Variants in EIF4E1B observed in about 807,000 individuals in gnomAD.
EIF4E1B encodes the protein eukaryotic translation initiation factor 4E family member 1B, also known as eukaryotic translation initiation factor 4E type 1B.
A neutral mutation model predicts 31.3 loss-of-function variants in EIF4E1B; 22 were observed. The observed-to-expected ratio is 0.70, with a 90% CI of 0.50 to 1.00. EIF4E1B has a LOEUF of 1.00. Among genes scored for constraint, EIF4E1B ranks in the 50% least tolerant of loss-of-function variants. The probability of loss-of-function intolerance (pLI) is 0.00; values close to 1 mark genes in which losing one functional copy is unlikely to be tolerated. For synonymous variants in EIF4E1B, 126 were observed against 120.2 expected (o/e 1.05, Z -0.31); for missense variants, 290 against 311.6 (o/e 0.93, Z 0.52).
intron 1 of EIF4E1B, among the ~76,000 whole-genome samples, chr5:176,636,286 T>G (rs1231471954): frequency 6.6e-6 from 1 of 152,228 alleles, no homozygotes; most frequent in Non-Finnish European, 1.5e-5. Context: ...CTCGGGCTCG[T>G]GGGCCTCCAG....
At position 176,645,256 on chromosome 5, in the gene EIF4E1B, A is replaced by AG. The variant is rs1393073475; in HGVS notation, c.474+15dup. On this transcript the variant is annotated intron_variant, in intron 7 of 8. Coordinates refer to ENST00000318682, the MANE Select transcript of EIF4E1B (RefSeq NM_001099408.2). This position sits in a 1 kb window ranked among gnomAD's most constrained non-coding sequence, Gnocchi z 5.4. ...GTGGCTGGAGACGGTGAGTTGGAGGAGGAGGGTCCTCAGGGGAAGAGACGG... is the reference window on the plus strand; with the variant it reads ...GTGGCTGGAGACGGTGAGTTGGAGGAGGGAGGGTCCTCAGGGGAAGAGACGG... 6.2e-7 allele frequency: 1 copy of AG among 1,603,894 alleles called. No individual in the cohort carries two copies. Among genetic ancestry groups the AG allele is most frequent in the Non-Finnish European group, 8.5e-7 (1 of 1,175,122 alleles).
At chr5:176,643,896 C>T (rs1239175830) in intron 5 of EIF4E1B, 162 bp downstream of exon 5, 4 of 682,138 alleles carry the variant, frequency 5.9e-6, no homozygotes, top group Non-Finnish European at 9.8e-6. Context: ...CCCCCCACCC[C>T]ACCACCTTCT....
At chr5:176,633,220 TG>T (rs548453795) in intron 1 of EIF4E1B, among the ~76,000 whole-genome samples, 3 of 149,046 alleles carry the variant, frequency 2.0e-5, no homozygotes, top group African/African-American at 7.5e-5. Context: ...TTTTTTTGTT[TG>T]TTTGTTTGTT....
Position 176,645,076 on chromosome 5 carries a change from T to C in EIF4E1B, c.361-54T>C. Reference sequence around the variant, plus strand: ...GGATAAGGCCGGGATGGTGGGTGGGTCCCCATTTCCCTTTGAACACAGGGA... The same window carrying C: ...GGATAAGGCCGGGATGGTGGGTGGGCCCCCATTTCCCTTTGAACACAGGGA... On this transcript the variant is annotated intron_variant, in intron 6 of 8. Coordinates refer to ENST00000318682, the MANE Select transcript of EIF4E1B (RefSeq NM_001099408.2). This position sits in a 1 kb window ranked among gnomAD's most constrained non-coding sequence, Gnocchi z 5.4. 6.8e-7 allele frequency: 1 copy of C among 1,474,790 alleles called. No individual in the cohort carries two copies. 91.4% of individuals were successfully genotyped at this position (1,474,790 alleles called of 1,614,324 possible). A position where few individuals can be genotyped will look rare whatever the true frequency, so the allele number is the denominator to read the frequency against.
In EIF4E1B at chr5:176,636,234, G is replaced by T. The variant is rs151140197; in HGVS notation, c.-202+5170G>T. 3.8e-3 allele frequency among the ~76,000 whole-genome samples: 586 copies of T among 152,254 alleles called. 6 individuals are homozygous for T. The highest frequency in any genetic ancestry group is 3.6e-3 in the Non-Finnish European group (247 of 68,008). ...TCTAGCAGGATGGATCCTTTCCCCC[G>T]CCACATACCCCTACCACCCTTTAGA... On this transcript the variant is annotated intron_variant, in intron 1 of 8. Transcript: ENST00000318682.
At chr5:176,642,838 T>C (rs1760603422) in intron 3 of EIF4E1B, 36 bp downstream of exon 3, 1 of 1,440,540 alleles carries the variant, frequency 6.9e-7, no homozygotes, top group Admixed American at 2.4e-5. Flanking sequence ...CAGTGCACCA[T>C]GGCCCCGCCC....
At chr5:176,644,649 C>T (rs186733146) in intron 6 of EIF4E1B, 129 of 555,060 alleles carry the variant, frequency 2.3e-4, no homozygotes, top group African/African-American at 2.3e-3. Context: ...CCTTAAGAGG[C>T]GGGAAGAGGG....
At chr5:176,642,940 A>G (rs1287474641) in intron 3 of EIF4E1B, 138 bp downstream of exon 3, 2 of 1,392,184 alleles carry the variant, frequency 1.4e-6, no homozygotes, top group Non-Finnish European at 9.5e-7. Flanking sequence ...TGGGTCCTCC[A>G]TGGAGTTTGA....
chr5:176,639,282 G>A (rs1760539873), intron 1 of EIF4E1B, among the ~76,000 whole-genome samples: 1 of 152,188 alleles, frequency 6.6e-6, no homozygotes. Flanking sequence ...AGAGGAATGG[G>A]CAGATTCAAG....
intron 1 of EIF4E1B, among the ~76,000 whole-genome samples, chr5:176,635,535 A>C (rs1760479137): frequency 6.6e-6 from 1 of 152,244 alleles, no homozygotes; most frequent in South Asian, 2.1e-4. Flanking sequence ...TGAGTCAGGC[A>C]GGAAGTTCGT....
rs1760672263 is a variant in EIF4E1B at position 176,645,294 on chromosome 5, T to C, written c.474+51T>C. ...GGGGAAGAGACGGGCTGTGTGGGTC[T>C]CATGGTGGCAGTGGTCTCAAGGATG... On this transcript the variant is annotated intron_variant, in intron 7 of 8. Coordinates refer to ENST00000318682, the MANE Select transcript of EIF4E1B (RefSeq NM_001099408.2). This position sits in a 1 kb window ranked among gnomAD's most constrained non-coding sequence, Gnocchi z 5.4. The C allele has an allele frequency of 6.3e-7, 1 of 1,586,290 alleles. No homozygotes were observed. Among genetic ancestry groups the C allele is most frequent in the Admixed American group, 1.7e-5 (1 of 58,190 alleles).
rs1760666016 is a variant in EIF4E1B at position 176,645,008 on chromosome 5, G to A, written c.361-122G>A. On this transcript the variant is annotated intron_variant, in intron 6 of 8. Coordinates refer to ENST00000318682, the MANE Select transcript of EIF4E1B (RefSeq NM_001099408.2). The surrounding 1 kb of genome is among the most constrained non-coding windows in gnomAD (Gnocchi z 5.4). ...GGAACCTGCTTGCACTGAGGGAAGG[G>A]AGGATAAGAGAATCTGGCCTACTTA... The A allele has an allele frequency of 2.4e-6, 2 of 824,452 alleles. No homozygotes were observed. Among genetic ancestry groups the A allele is most frequent in the Non-Finnish European group, 3.8e-6 (2 of 520,040 alleles). 51.1% of individuals were successfully genotyped at this position (824,452 alleles called of 1,614,324 possible). A position where few individuals can be genotyped will look rare whatever the true frequency, so the allele number is the denominator to read the frequency against.
chr5:176,633,171 T>A (rs1760435406), intron 1 of EIF4E1B, among the ~76,000 whole-genome samples: 1 of 152,206 alleles, frequency 6.6e-6, no homozygotes. Flanking sequence ...CAGCGTGGAT[T>A]TTCTAGCTAT....
At chr5:176,634,845 T>G (rs1230726849) in intron 1 of EIF4E1B, among the ~76,000 whole-genome samples, 1 of 151,888 alleles carries the variant, frequency 6.6e-6, no homozygotes, top group East Asian at 1.9e-4. Context: ...AATTTTTGTA[T>G]TTTTAGTAGA....
At chr5:176,643,457 C>T (rs984388539) in intron 4 of EIF4E1B, among the ~76,000 whole-genome samples, 182 bp from the exon 5 acceptor site, 1 of 152,208 alleles carries the variant, frequency 6.6e-6, no homozygotes, top group African/African-American at 2.4e-5. Flanking sequence ...GGTCAAACAC[C>T]CCCACTCCTC....
At chr5:176,631,313 C>CT (rs1434091585) in intron 1 of EIF4E1B, among the ~76,000 whole-genome samples, 2 of 152,206 alleles carry the variant, frequency 1.3e-5, no homozygotes, top group African/African-American at 2.4e-5. Context: ...AACAAAACCA[C>CT]TTTTTTGTGT....
chr5:176,641,457 C>T (rs758883031), intron 1 of EIF4E1B, among the ~76,000 whole-genome samples: 10 of 152,212 alleles, frequency 6.6e-5, no homozygotes, highest in African/African-American at 1.9e-4. Flanking sequence ...TTCTGATACA[C>T]GCACCTAAGA....
chr5:176,639,798 G>C (rs1427086564), intron 1 of EIF4E1B, among the ~76,000 whole-genome samples: 1 of 151,922 alleles, frequency 6.6e-6, no homozygotes, highest in Non-Finnish European at 1.5e-5. Context: ...ATGGTGGTGT[G>C]CACCTGTAGT....
intron 1 of EIF4E1B, among the ~76,000 whole-genome samples, chr5:176,640,768 C>A (rs998631069): frequency 2.6e-5 from 4 of 152,210 alleles, no homozygotes; most frequent in Non-Finnish European, 5.9e-5. Context: ...CAGGCTTACC[C>A]ATTTCTTTCC....
Sources: allele counts gnomAD v4.1 joint callset (sites outside exome capture counted in the v4.1 genomes callset), GRCh38; gene constraint gnomAD v4.1.1; non-coding constraint Gnocchi (gnomAD v3.1); transcripts MANE v1.5; gene names NCBI Gene and HGNC (gene_info 2026-07-23, HGNC 2026-07-21).